Variants in SULF2 observed in about 807,000 individuals in gnomAD.
The protein encoded by SULF2 is sulfatase 2, also known as extracellular sulfatase Sulf-2.
Under a neutral mutation model 107.7 loss-of-function variants are expected in SULF2, and 52 were observed. The observed-to-expected ratio is 0.48, with a 90% CI of 0.39 to 0.61. The LOEUF (loss-of-function observed/expected upper bound fraction) is 0.61. SULF2 is among the 20% of genes least tolerant of loss of function. The pLI is 0.00. For missense variants in SULF2, 993 were observed against 1,177.3 expected (o/e 0.84, Z 2.29); for synonymous variants, 460 against 464.3 (o/e 0.99, Z 0.12).
intron 2 of SULF2, among the ~76,000 whole-genome samples, chr20:47,748,840 T>C (rs139473359): frequency 4.5e-4 from 68 of 152,280 alleles, no homozygotes; most frequent in African/African-American, 1.5e-3. Flanking sequence ...CTAATTAGCC[T>C]GGGGCACTGC....
chr20:47,784,339 C>T (rs1245580686), intron 1 of SULF2, among the ~76,000 whole-genome samples: 7 of 152,118 alleles, frequency 4.6e-5, no homozygotes, highest in African/African-American at 1.7e-4. Flanking sequence ...GTGATTAAAA[C>T]AAGCTGCAGG....
At chr20:47,785,862 G>T, upstream of SULF2, 1 of 151,982 alleles carries the variant, frequency 6.6e-6, no homozygotes, top group South Asian at 1.8e-4. Flanking sequence ...CGCGGCCCGC[G>T]ACCCGGCCCT....
chr20:47,750,255 C>G (rs910940347), intron 2 of SULF2, among the ~76,000 whole-genome samples: 1 of 152,226 alleles, frequency 6.6e-6, no homozygotes, highest in Non-Finnish European at 1.5e-5. Context: ...GCTGGGATCA[C>G]AGGTGTGAGC....
At chr20:47,730,420 C>A (rs1033597775) in intron 3 of SULF2, among the ~76,000 whole-genome samples, 1 of 152,168 alleles carries the variant, frequency 6.6e-6, no homozygotes, top group Non-Finnish European at 1.5e-5. Context: ...ATCTAGTTCA[C>A]CAGAAAGAGC....
At chr20:47,676,063 T>C (rs2087629845) in intron 10 of SULF2, among the ~76,000 whole-genome samples, 1 of 152,176 alleles carries the variant, frequency 6.6e-6, no homozygotes, top group African/African-American at 2.4e-5. Context: ...TCTCTTGCAA[T>C]CAATTCACTT....
intron 1 of SULF2, among the ~76,000 whole-genome samples, chr20:47,757,700 T>A (rs550275762): frequency 1.3e-5 from 2 of 152,068 alleles, no homozygotes; most frequent in African/African-American, 4.8e-5. Flanking sequence ...ATTTCTTCCC[T>A]GGATCCAGTG....
chr20:47,780,432 C>T (rs2090809436), intron 1 of SULF2, among the ~76,000 whole-genome samples: 2 of 152,342 alleles, frequency 1.3e-5, no homozygotes, highest in East Asian at 3.9e-4. Flanking sequence ...TCCCCCAGAT[C>T]TTTCCAAGGC....
chr20:47,732,064 C>T (rs6066452), intron 3 of SULF2, among the ~76,000 whole-genome samples: 63,360 of 151,968 alleles, frequency 0.42, 17,248 homozygotes, highest in African/African-American at 0.77. Flanking sequence ...TTTTTTATTA[C>T]TGTTTTTTAA....
At chr20:47,763,391 C>T (rs1183721644) in intron 1 of SULF2, among the ~76,000 whole-genome samples, 2 of 152,224 alleles carry the variant, frequency 1.3e-5, no homozygotes, top group Non-Finnish European at 2.9e-5. Flanking sequence ...TGAACAAACA[C>T]CTGGGACCTC....
intron 9 of SULF2, 75 bp from the exon 10 acceptor site, chr20:47,676,698 C>A: frequency 6.6e-7 from 1 of 1,522,434 alleles, no homozygotes; most frequent in Non-Finnish European, 8.8e-7. Context: ...GTGTGCCCAC[C>A]TAGAGGGGTG....
At chr20:47,668,046 G>A (rs868689961) in intron 11 of SULF2, among the ~76,000 whole-genome samples, 19 of 152,270 alleles carry the variant, frequency 1.2e-4, no homozygotes, top group Admixed American at 9.8e-4. Context: ...TCTCTCCCTC[G>A]GTTTAGTCTC....
intron 3 of SULF2, among the ~76,000 whole-genome samples, chr20:47,734,494 G>A (rs1171262527): frequency 3.9e-5 from 6 of 152,082 alleles, no homozygotes; most frequent in African/African-American, 7.2e-5. Flanking sequence ...AACATATCAC[G>A]CAGTTGGATC....
chr20:47,768,009 G>A (rs2090558695), intron 1 of SULF2, among the ~76,000 whole-genome samples: 1 of 152,154 alleles, frequency 6.6e-6, no homozygotes, highest in Admixed American at 6.5e-5. Flanking sequence ...TAGATCGTGG[G>A]ATCCTAGACC....
At chr20:47,684,825 C>T in intron 5 of SULF2, 1 of 394,178 alleles carries the variant, frequency 2.5e-6, no homozygotes, top group Non-Finnish European at 4.5e-6. Context: ...CATTCAGTGA[C>T]CTTGAGTGAC....
chr20:47,659,170 C>T (rs909415562), intron 20 of SULF2, among the ~76,000 whole-genome samples: 14 of 152,162 alleles, frequency 9.2e-5, no homozygotes, highest in Non-Finnish European at 1.6e-4. Flanking sequence ...GTTTACCAAG[C>T]ACAGATTATA....
rs1173418368 is a variant in SULF2 at position 47,680,678 on chromosome 20, G to A, written c.1065-1874C>T. 2.0e-5 allele frequency among the ~76,000 whole-genome samples: 3 copies of A among 152,214 alleles called. No individual in the cohort carries two copies. The highest frequency in any genetic ancestry group is 7.2e-5 in the African/African-American group (3 of 41,448). On this transcript the variant is annotated intron_variant, in intron 7 of 20. Coordinates refer to ENST00000688720, the MANE Select transcript of SULF2 (RefSeq NM_001387048.1). The surrounding 1 kb of genome is among the most constrained non-coding windows in gnomAD (Gnocchi z 4.2). ...GATGGGGCTGTGTCATGGGGGGCTC[G>A]AAGGCCAGCGTGAGGCGCTACAACT... is the stretch of plus-strand genomic sequence containing the variant.
intron 3 of SULF2, among the ~76,000 whole-genome samples, chr20:47,731,185 C>CTTTTTTTTTTTTTTTT (rs199660759): frequency 1.1e-5 from 1 of 93,332 alleles, no homozygotes; most frequent in African/African-American, 5.8e-5. Flanking sequence ...CCTGTATCTT[C>CTTTTTTTTTTTTTTTT]TCTTTTTTTT....
chr20:47,768,712 T>G (rs1157008077), intron 1 of SULF2, among the ~76,000 whole-genome samples: 3 of 152,212 alleles, frequency 2.0e-5, no homozygotes, highest in African/African-American at 7.2e-5. Flanking sequence ...ATTCTGGACC[T>G]GACTCGGCCA....
intron 1 of SULF2, among the ~76,000 whole-genome samples, chr20:47,785,026 T>G (rs6018687): frequency 2.0e-5 from 3 of 151,788 alleles, no homozygotes; most frequent in Admixed American, 6.5e-5. Context: ...CGCGCTCCCC[T>G]ACCCGGGGCC....
Sources: allele counts gnomAD v4.1 joint callset (sites outside exome capture counted in the v4.1 genomes callset), GRCh38; gene constraint gnomAD v4.1.1; non-coding constraint Gnocchi (gnomAD v3.1); transcripts MANE v1.5; gene names NCBI Gene and HGNC (gene_info 2026-07-23, HGNC 2026-07-21).